Variants in CDC23 observed in about 807,000 individuals in gnomAD.
CDC23 encodes the protein cell division cycle 23, also known as cell division cycle protein 23 homolog.
Under a neutral mutation model 81.7 loss-of-function variants are expected in CDC23, and 26 were observed. The ratio of observed to expected loss-of-function variants is 0.32; its 90% CI spans 0.23 to 0.44. CDC23 has a LOEUF of 0.44. CDC23 is among the 20% of genes least tolerant of loss of function. The pLI, the probability that CDC23 is intolerant of heterozygous loss-of-function variation, is 1.00. For missense variants in CDC23, 519 were observed against 728.0 expected, an observed-to-expected ratio of 0.71 and a Z score of 3.30; for synonymous variants, 267 against 270.8, an observed-to-expected ratio of 0.99 and a Z score of 0.14.
chr5:138,189,870 G>A lies in CDC23; in HGVS notation c.1461C>T (p.Ala487=). 1 of 1,613,982 alleles carries A rather than the reference G, an allele frequency of 6.2e-7. No homozygotes were observed. Among genetic ancestry groups the A allele is most frequent in the Non-Finnish European group, 8.5e-7 (1 of 1,179,978 alleles). Residue 487 remains alanine, a synonymous_variant, in exon 14 of 16, where the codon GCC becomes GCT. Transcript: ENST00000394886. ...CTTGGATATATTTGATGTAACACTG[G>A]GCAGCCTGTTCTGACTCAGTCAACT... is the stretch of plus-strand genomic sequence containing the variant. The part of the protein sequence containing the change: ...HEQLTESEQA[A]QCYIKYIQDI...
chr5:138,194,718 CTTTTTTTT>C (rs926814787), intron 9 of CDC23, among the ~76,000 whole-genome samples: 62 of 118,788 alleles, frequency 5.2e-4, no homozygotes, highest in Non-Finnish European at 9.3e-4. Context: ...TTTTTGGTGT[CTTTTTTTT>C]TTTTTTTTTT....
At chr5:138,212,377 G>A (rs1279471494) in intron 2 of CDC23, among the ~76,000 whole-genome samples, 1 of 152,182 alleles carries the variant, frequency 6.6e-6, no homozygotes, top group African/African-American at 2.4e-5. Flanking sequence ...GGAGTGCAAT[G>A]GCGCGATCTC....
chr5:138,198,913 C>T lies in CDC23; in HGVS notation c.655-131G>A. The T allele has an allele frequency of 3.5e-6, 3 of 847,358 alleles. No homozygotes were observed. In the East Asian group the frequency reaches 8.0e-5, roughly 23 times the overall value. The allele number at this position is 847,358 out of a possible 1,614,324, so 52.5% of individuals were successfully genotyped here. ...TTATTAGAACACCTAGTAATGAAAA[C>T]AGGACAGTCCAATTAACTGAATATG... On this transcript the variant is annotated intron_variant, in intron 6 of 15. Transcript: ENST00000394886.
rs112025861 is a variant in CDC23, at chr5:138,212,075, C to T, written c.234+916G>A. On this transcript the variant is annotated intron_variant, in intron 2 of 15. Coordinates refer to ENST00000394886, the MANE Select transcript of CDC23 (RefSeq NM_004661.4). ...TGGTGCTGCTAATAAAGAACTTGAC[C>T]GAAATATAGATGCAAGCACCAGGCA... 2.1e-3 allele frequency among the ~76,000 whole-genome samples: 315 copies of T among 152,166 alleles called. 3 individuals carry two copies. The highest frequency in any genetic ancestry group is 5.8e-3 in the African/African-American group (240 of 41,492).
chr5:138,211,474 A>C (rs1215728957), intron 2 of CDC23, among the ~76,000 whole-genome samples: 1 of 152,094 alleles, frequency 6.6e-6, no homozygotes, highest in Non-Finnish European at 1.5e-5. Flanking sequence ...CCAGCCTGGT[A>C]AACAGGGTGA....
At chr5:138,212,151 C>T (rs1755120280) in intron 2 of CDC23, among the ~76,000 whole-genome samples, 2 of 152,098 alleles carry the variant, frequency 1.3e-5, no homozygotes, top group Admixed American at 6.6e-5. Flanking sequence ...TCAATATCCC[C>T]ATTGAGTAGA....
At chr5:138,191,837 T>C (rs1334521008) in intron 12 of CDC23, 25 bp downstream of exon 12, 1 of 1,588,614 alleles carries the variant, frequency 6.3e-7, no homozygotes, top group Non-Finnish European at 8.6e-7. Context: ...TCCACTCAAA[T>C]TCTTCAGGAC....
intron 9 of CDC23, among the ~76,000 whole-genome samples, chr5:138,195,814 T>C (rs1461223853): frequency 5.4e-5 from 7 of 129,182 alleles, no homozygotes; most frequent in East Asian, 4.1e-4. Context: ...TATATATACA[T>C]ATATATAATA....
chr5:138,201,358 C>T lies in CDC23; in HGVS notation c.506G>A (p.Gly169Glu). 6.2e-7 allele frequency: 1 copy of T among 1,614,024 alleles called. No individual in the cohort carries two copies. The highest frequency in any genetic ancestry group is 1.3e-5 in the African/African-American group (1 of 75,048). The change falls in exon 5 of 16, where the codon GGA becomes GAA. Residue 169 changes from glycine to glutamate, a missense_variant. Coordinates refer to ENST00000394886, the MANE Select transcript of CDC23 (RefSeq NM_004661.4). ...SKKHQARELD[G>E]FGLYLYGVVL... ...TAACACTTACAGATAAAGTCCAAATCCATCAAGTTCTCGAGCTTGGTGTTT... is the reference window on the plus strand; with the variant it reads ...TAACACTTACAGATAAAGTCCAAATTCATCAAGTTCTCGAGCTTGGTGTTT...
intron 6 of CDC23, 95 bp from the exon 7 acceptor site, chr5:138,198,877 T>A (rs932532591): frequency 4.1e-5 from 54 of 1,305,820 alleles, no homozygotes; most frequent in Non-Finnish European, 5.5e-5. Flanking sequence ...AAGGAATTTA[T>A]CACTAAAATT....
chr5:138,195,201 A>T (rs568574174), intron 9 of CDC23, among the ~76,000 whole-genome samples: 1 of 151,870 alleles, frequency 6.6e-6, no homozygotes. Context: ...TTGCATATGT[A>T]TATATACATA....
Position 138,213,318 on chromosome 5 carries a change from C to T in CDC23, c.-6G>A. 2 of 1,612,986 alleles carry T rather than the reference C, an allele frequency of 1.2e-6. No individual in the cohort carries two copies. The highest frequency in any genetic ancestry group is 1.7e-6 in the Non-Finnish European group (2 of 1,179,420). Reference sequence around the variant, plus strand: ...ATGGAGGTACTCGCAGCCATTTTCCCGACTCGGGCCACTCCAGCCAATCAT... The same window carrying T: ...ATGGAGGTACTCGCAGCCATTTTCCTGACTCGGGCCACTCCAGCCAATCAT... On this transcript the variant is annotated 5_prime_UTR_variant, in exon 1 of 16. Coordinates refer to ENST00000394886, the MANE Select transcript of CDC23 (RefSeq NM_004661.4).
At chr5:138,198,346 C>G (rs1581486384) in intron 8 of CDC23, 66 bp from the exon 9 acceptor site, 1 of 1,579,864 alleles carries the variant, frequency 6.3e-7, no homozygotes, top group Non-Finnish European at 8.7e-7. Context: ...TTTCCTGTAG[C>G]TAATACAAGT....
At position 138,198,212 on chromosome 5, in the gene CDC23, C is replaced by T. The variant is rs752884935; in HGVS notation, c.999G>A (p.Thr333=). Residue 333 remains threonine, a synonymous_variant, in exon 9 of 16, where the codon ACG becomes ACA. Coordinates refer to ENST00000394886, the MANE Select transcript of CDC23 (RefSeq NM_004661.4). ...LCEIDKYRVE[T]CCVIGNYYSL... ...GTTAATTCTTACCAATTACACAGCA[C>T]GTTTCTACACGATATTTATCAATCT... 9 of 1,610,568 alleles carry T rather than the reference C, an allele frequency of 5.6e-6. No homozygotes were observed. Among genetic ancestry groups the T allele is most frequent in the Admixed American group, 1.7e-5 (1 of 59,976 alleles).
chr5:138,192,613 A>G lies in CDC23; in HGVS notation c.1057T>C (p.Tyr353His). 6.2e-7 allele frequency: 1 copy of G among 1,614,178 alleles called. No homozygotes were observed. Among genetic ancestry groups the G allele is most frequent in the Non-Finnish European group, 8.5e-7 (1 of 1,180,008 alleles). ...TTTAATTTCAGGGCTCTCTGGAAATATAAGGCTGCTTTCTCATGCTGAGAA... is the reference window on the plus strand; with the variant it reads ...TTTAATTTCAGGGCTCTCTGGAAATGTAAGGCTGCTTTCTCATGCTGAGAA... ...LRSQHEKAALYFQRALKLNPR... is the reference protein window; with the variant it reads ...LRSQHEKAALHFQRALKLNPR... Residue 353 changes from tyrosine (Y) to histidine (H), a missense_variant, in exon 10 of 16, where the codon TAT becomes CAT. By Grantham distance (83) the Tyr-to-His change is moderately conservative. Around this residue, in one of 4 missense-constraint regions of CDC23, gnomAD observed 175 missense variants for 337.8 expected, o/e 0.52. Coordinates refer to ENST00000394886, the MANE Select transcript of CDC23 (RefSeq NM_004661.4).
chr5:138,207,956 T>TC (rs1008022734), intron 2 of CDC23, among the ~76,000 whole-genome samples: 4 of 148,856 alleles, frequency 2.7e-5, no homozygotes, highest in Non-Finnish European at 4.5e-5. Context: ...AAAAATTCAA[T>TC]CCCCCAAATT....
chr5:138,205,686 T>C (rs1399294200), intron 3 of CDC23, among the ~76,000 whole-genome samples: 1 of 133,984 alleles, frequency 7.5e-6, no homozygotes, highest in East Asian at 2.1e-4. Flanking sequence ...AATGTTAAAA[T>C]GGTAAATTGG....
chr5:138,200,467 C>T (rs1026752459), intron 6 of CDC23, among the ~76,000 whole-genome samples: 8 of 152,086 alleles, frequency 5.3e-5, no homozygotes, highest in Admixed American at 3.3e-4. Flanking sequence ...AGCAGAGAAA[C>T]CTTTCCTATA....
chr5:138,192,515 G>A lies in CDC23; in HGVS notation c.1155C>T (p.Ile385=), dbSNP rs1270782782. Residue 385 remains isoleucine, a synonymous_variant, in exon 10 of 16, where the codon ATC becomes ATT. Transcript: ENST00000394886. Reference sequence around the variant, plus strand: ...CTATAGATAATCACCTATAAGCCTGGATAGCAGCAGACGTGTTCTTCATCT... The same window carrying A: ...CTATAGATAATCACCTATAAGCCTGAATAGCAGCAGACGTGTTCTTCATCT... ...YMEMKNTSAA[I]QAYRHAIEVN... 22 of 1,614,062 alleles carry A rather than the reference G, an allele frequency of 1.4e-5. No homozygotes were observed. Among genetic ancestry groups the A allele is most frequent in the Non-Finnish European group, 1.9e-5 (22 of 1,179,996 alleles).
Sources: gnomAD v4.1 joint callset for allele counts (sites outside exome capture counted in the v4.1 genomes callset) on GRCh38, gnomAD v4.1.1 for gene constraint, gnomAD v4.1.1 regional missense constraint, MANE v1.5 for transcripts, NCBI Gene and HGNC (gene_info 2026-07-23, HGNC 2026-07-21) for gene names.